CDC25C: variants seen among roughly 807,000 people sequenced by gnomAD.
CDC25C encodes the protein M-phase inducer phosphatase 3.
Under a neutral mutation model 52.5 loss-of-function variants are expected in CDC25C, and 48 were observed. The observed-to-expected ratio is 0.91, with a 90% CI of 0.72 to 1.16. CDC25C has a LOEUF of 1.16. Among genes scored for constraint, CDC25C ranks in the 50% most tolerant of loss-of-function variants. CDC25C has a pLI of 0.00. For missense variants in CDC25C, 510 were observed against 566.1 expected (o/e 0.90, Z 1.01); for synonymous variants, 187 against 206.5 (o/e 0.91, Z 0.81).
intron 6 of CDC25C, among the ~76,000 whole-genome samples, chr5:138,325,419 A>G (rs1759772051): frequency 2.0e-5 from 3 of 151,984 alleles, no homozygotes; most frequent in South Asian, 2.1e-4. Context: ...CTAAGGGGGA[A>G]ATAAGAAATT....
intron 9 of CDC25C, among the ~76,000 whole-genome samples, chr5:138,289,781 C>T (rs1158191916): frequency 2.1e-5 from 3 of 144,926 alleles, no homozygotes; most frequent in Admixed American, 1.5e-4. Flanking sequence ...GATTTCTCTA[C>T]AAATATATTC....
intron 7 of CDC25C, among the ~76,000 whole-genome samples, chr5:138,313,886 A>T (rs1758642290): frequency 6.6e-6 from 1 of 152,054 alleles, no homozygotes; most frequent in Non-Finnish European, 1.5e-5. Context: ...TTTCAAATTC[A>T]TTATACTGTT....
At chr5:138,310,189 C>T (rs1221420400) in intron 7 of CDC25C, among the ~76,000 whole-genome samples, 1 of 152,220 alleles carries the variant, frequency 6.6e-6, no homozygotes, top group Non-Finnish European at 1.5e-5. Context: ...TGTTCATCCA[C>T]CATTGGCAAT....
rs1476199691 is a variant in CDC25C at position 138,285,641 on chromosome 5, T to C, written c.*51A>G. 3 of 1,577,884 alleles carry C rather than the reference T, an allele frequency of 1.9e-6. No individual in the cohort carries two copies. Among genetic ancestry groups the C allele is most frequent in the Non-Finnish European group, 2.6e-6 (3 of 1,153,126 alleles). On this transcript the variant is annotated 3_prime_UTR_variant, in exon 14 of 14. Transcript: ENST00000323760. Reference sequence around the variant, plus strand: ...CCAGAAGGCCTCTTTCTGCTCAGGGTTTCTGCAGTGTCTTTTGGTGACTTG... The same window carrying C: ...CCAGAAGGCCTCTTTCTGCTCAGGGCTTCTGCAGTGTCTTTTGGTGACTTG...
chr5:138,337,474 CCCCA>C (rs1443815238), intron 1 of CDC25C: 9 of 157,198 alleles, frequency 5.7e-5, no homozygotes, highest in African/African-American at 2.2e-4. Flanking sequence ...CCGCACCTCC[CCCCA>C]GGCAAACGCA....
chr5:138,296,021 T>C (rs2126681717), intron 7 of CDC25C, among the ~76,000 whole-genome samples: 1 of 152,326 alleles, frequency 6.6e-6, no homozygotes. Flanking sequence ...TAAACTGGCC[T>C]ACACACTCTT....
At chr5:138,334,734 T>A (rs1401034960), upstream of CDC25C, among the ~76,000 whole-genome samples, 1 of 152,248 alleles carries the variant, frequency 6.6e-6, no homozygotes, top group African/African-American at 2.4e-5. Flanking sequence ...TGATTCCAGC[T>A]GGCTTAGCTA....
chr5:138,331,992 G>T, upstream of CDC25C: 2 of 792,298 alleles, frequency 2.5e-6, no homozygotes, highest in South Asian at 5.7e-5. Flanking sequence ...CCGCCCCATA[G>T]CCAGAGCAGG....
chr5:138,321,577 C>A (rs906958974), intron 6 of CDC25C, among the ~76,000 whole-genome samples: 1 of 151,810 alleles, frequency 6.6e-6, no homozygotes, highest in East Asian at 1.9e-4. Flanking sequence ...CATGGTGAAA[C>A]CCCGTCTCTA....
intron 3 of CDC25C, among the ~76,000 whole-genome samples, chr5:138,329,233 G>A (rs1760139427): frequency 1.3e-5 from 2 of 152,120 alleles, no homozygotes; most frequent in African/African-American, 4.8e-5. Flanking sequence ...TGGTTTCTTT[G>A]CCTCTGCTGA....
chr5:138,331,733 C>G lies in CDC25C; in HGVS notation c.-177G>C, dbSNP rs1284982152. ...ACTAGATTGCAGCTCTGCCTTCCGA[C>G]TGGGTAGGCCAACGTCGGACTCAGA... is the stretch of plus-strand genomic sequence containing the variant. On this transcript the variant is annotated 5_prime_UTR_variant, in exon 1 of 14. Transcript: ENST00000323760. The G allele has an allele frequency of 6.1e-6, 6 of 989,418 alleles. No individual in the cohort carries two copies. Among genetic ancestry groups the G allele is most frequent in the Non-Finnish European group, 7.2e-6 (6 of 832,216 alleles). The allele number at this position is 989,418 out of a possible 1,614,324, so 61.3% of individuals were successfully genotyped here.
exon 1 of CDC25C, chr5:138,338,037 G>C (rs1760837665): frequency 7.8e-7 from 1 of 1,289,568 alleles, no homozygotes; most frequent in Non-Finnish European, 1.0e-6. Context: ...ATTTTGGAGG[G>C]GGTGACTCGT....
At chr5:138,309,715 A>ATTTT (rs56020082) in intron 7 of CDC25C, among the ~76,000 whole-genome samples, 15 of 132,852 alleles carry the variant, frequency 1.1e-4, no homozygotes, top group Admixed American at 4.0e-4. Context: ...GGCTCTCAAA[A>ATTTT]TTTTTTTTTT....
intron 1 of CDC25C, among the ~76,000 whole-genome samples, 173 bp downstream of exon 1, chr5:138,331,422 G>T (rs1372646501): frequency 2.6e-5 from 4 of 152,194 alleles, no homozygotes; most frequent in Admixed American, 6.5e-5. Context: ...AGAGGATTTT[G>T]ACTTGTTCCA....
At chr5:138,334,614 A>T (rs1760596660), upstream of CDC25C, among the ~76,000 whole-genome samples, 1 of 152,174 alleles carries the variant, frequency 6.6e-6, no homozygotes, top group Non-Finnish European at 1.5e-5. Context: ...GGCCTCCCAA[A>T]GTGCTGGGAT....
chr5:138,311,245 C>T (rs529827351), intron 7 of CDC25C, among the ~76,000 whole-genome samples: 1 of 152,268 alleles, frequency 6.6e-6, no homozygotes, highest in African/African-American at 2.4e-5. Flanking sequence ...CACACATTAA[C>T]TCGAAATGAA....
intron 10 of CDC25C, among the ~76,000 whole-genome samples, chr5:138,288,134 G>T (rs1407959028): frequency 3.3e-5 from 5 of 151,916 alleles, no homozygotes; most frequent in Non-Finnish European, 5.9e-5. Context: ...GGAGTACAAT[G>T]GTGCCATCTT....
At chr5:138,336,905 CT>C (rs1760740455) in intron 1 of CDC25C, 1 of 152,132 alleles carries the variant, frequency 6.6e-6, no homozygotes, top group South Asian at 2.1e-4. Context: ...GCCTCCTCCC[CT>C]CCCTGGCTCA....
At chr5:138,323,481 G>A (rs529121368) in intron 6 of CDC25C, among the ~76,000 whole-genome samples, 1 of 151,614 alleles carries the variant, frequency 6.6e-6, no homozygotes, top group South Asian at 2.1e-4. Context: ...TTTTTTGGTT[G>A]GGGGGTGGGG....
Sources: allele counts gnomAD v4.1 joint callset (sites outside exome capture counted in the v4.1 genomes callset), GRCh38; gene constraint gnomAD v4.1.1; transcripts MANE v1.5; gene names NCBI Gene and HGNC (gene_info 2026-07-23, HGNC 2026-07-21).